Variants in PRKX observed in about 807,000 individuals in gnomAD.
The protein encoded by PRKX is cAMP-dependent protein kinase catalytic subunit PRKX.
A neutral mutation model predicts 22.0 loss-of-function variants in PRKX; 12 were observed. The ratio of observed to expected loss-of-function variants is 0.54; its 90% CI spans 0.35 to 0.88. The LOEUF (loss-of-function observed/expected upper bound fraction) is 0.88. Among genes scored for constraint, PRKX ranks in the 40% least tolerant of loss-of-function variants. PRKX has a pLI of 0.01. For missense variants in PRKX, 217 were observed against 308.0 expected, an observed-to-expected ratio of 0.70 and a Z score of 2.21; for synonymous variants, 134 against 137.7, an observed-to-expected ratio of 0.97 and a Z score of 0.19.
At chrX:3,707,652 T>TTTTAA (rs753541888) in intron 1 of PRKX, among the ~76,000 whole-genome samples, 3,780 of 108,034 alleles carry the variant, frequency 0.035, 285 homozygotes, top group African/African-American at 0.12. Flanking sequence ...TTAACATGTA[T>TTTTAA]TTTAACTTAA....
intron 3 of PRKX, among the ~76,000 whole-genome samples, chrX:3,648,606 CTGTGTGTGTGTGTG>C (rs58698248): frequency 1.5e-3 from 107 of 72,248 alleles, no homozygotes; most frequent in Middle Eastern, 7.6e-3. Flanking sequence ...CTCTCTACTC[CTGTGTGTGTGTGTG>C]TGTGTGTGTG....
chrX:3,658,568 G>A (rs1019887740), intron 2 of PRKX, among the ~76,000 whole-genome samples: 8 of 111,345 alleles, frequency 7.2e-5, no homozygotes, highest in African/African-American at 1.3e-4. Context: ...GATTACAAAC[G>A]TGAGCCACTG....
intron 1 of PRKX, among the ~76,000 whole-genome samples, chrX:3,679,166 G>C (rs1459943294): frequency 2.7e-5 from 3 of 111,767 alleles, no homozygotes; most frequent in African/African-American, 9.8e-5. Context: ...CGTTGCCCAA[G>C]TAGTAAACAG....
chrX:3,690,209 GAAT>G (rs1442256424), intron 1 of PRKX, among the ~76,000 whole-genome samples: 2 of 111,307 alleles, frequency 1.8e-5, no homozygotes, highest in Admixed American at 9.7e-5. Flanking sequence ...TTTAAGCTTG[GAAT>G]ATTTACTTCA....
intron 1 of PRKX, among the ~76,000 whole-genome samples, chrX:3,688,627 C>G (rs759870752): frequency 9.0e-6 from 1 of 110,588 alleles, no homozygotes; most frequent in South Asian, 3.9e-4. Context: ...CTTTAGAAGG[C>G]TGAAGCAGAA....
intron 1 of PRKX, among the ~76,000 whole-genome samples, chrX:3,712,580 G>A (rs2146618351): frequency 8.9e-6 from 1 of 112,423 alleles, no homozygotes; most frequent in African/African-American, 3.2e-5. Context: ...CAGCGCCCCG[G>A]GACACCTGTC....
chrX:3,640,186 G>C (rs1220729591), intron 4 of PRKX, among the ~76,000 whole-genome samples: 3 of 109,143 alleles, frequency 2.7e-5, no homozygotes, highest in African/African-American at 1.0e-4. Context: ...GAAGAAAGAA[G>C]GAAACAGGAA....
Position 3,647,972 on chromosome X carries a change from C to T in PRKX, c.600-6001G>A, listed in dbSNP as rs1927225590. On this transcript the variant is annotated intron_variant, in intron 3 of 8. Coordinates refer to ENST00000262848, the MANE Select transcript of PRKX (RefSeq NM_005044.5). ...GGGCCCTCCTACAAGTAGAATCACA[C>T]GACATGAGACCTTTTTGGTCTGGCT... Among the ~76,000 whole-genome samples, 4 of 111,413 alleles carry T rather than the reference C, an allele frequency of 3.6e-5. No individual in the cohort carries two copies. The South Asian group carries it at 1.5e-3, about 42-fold the overall frequency.
chrX:3,669,000 CCA>C (rs1324968022), intron 2 of PRKX, among the ~76,000 whole-genome samples: 2 of 112,539 alleles, frequency 1.8e-5, no homozygotes, highest in African/African-American at 6.4e-5. Context: ...TGGGTGGAGC[CCA>C]GAGACATTGC....
At chrX:3,632,726 G>T (rs1926810986) in intron 4 of PRKX, among the ~76,000 whole-genome samples, 1 of 111,751 alleles carries the variant, frequency 8.9e-6, no homozygotes, top group Non-Finnish European at 1.9e-5. Context: ...CGGACGCCTG[G>T]GCAGTGCCCT....
intron 5 of PRKX, among the ~76,000 whole-genome samples, chrX:3,624,200 C>G (rs1250370038): frequency 9.0e-6 from 1 of 111,502 alleles, no homozygotes; most frequent in Non-Finnish European, 1.9e-5. Context: ...CCATACCCAT[C>G]TCTACCAAAA....
At chrX:3,674,855 C>G in intron 1 of PRKX, 89 bp from the exon 2 acceptor site, 1 of 1,061,291 alleles carries the variant, frequency 9.4e-7, no homozygotes, top group Non-Finnish European at 1.3e-6. Context: ...GGGGCTGCAC[C>G]AGGACGGCAA....
chrX:3,707,306 C>T (rs1569066225), intron 1 of PRKX, among the ~76,000 whole-genome samples: 1 of 111,779 alleles, frequency 8.9e-6, no homozygotes, highest in African/African-American at 3.3e-5. Flanking sequence ...GAGTGACCAG[C>T]TTGTCCCTGT....
chrX:3,651,128 C>G (rs186916223), intron 3 of PRKX, among the ~76,000 whole-genome samples: 4 of 109,641 alleles, frequency 3.6e-5, no homozygotes, highest in Non-Finnish European at 7.6e-5. Flanking sequence ...AGAAAAAAGC[C>G]CCCACAAAAA....
intron 4 of PRKX, among the ~76,000 whole-genome samples, chrX:3,629,188 T>C (rs2146564678): frequency 8.9e-6 from 1 of 111,845 alleles, no homozygotes; most frequent in East Asian, 2.8e-4. Context: ...GTACTGAGCC[T>C]GCTTGCACGG....
chrX:3,656,454 G>A (rs866661903), intron 2 of PRKX, among the ~76,000 whole-genome samples: 4 of 110,433 alleles, frequency 3.6e-5, no homozygotes, highest in African/African-American at 1.3e-4. Context: ...GTGTAGACCG[G>A]TGTTGCTCTG....
At chrX:3,710,656 G>A (rs762379760) in intron 1 of PRKX, among the ~76,000 whole-genome samples, 109 of 111,883 alleles carry the variant, frequency 9.7e-4, no homozygotes, top group Non-Finnish European at 1.6e-3. Flanking sequence ...CTACAGGTAT[G>A]AGCCACCACG....
intron 4 of PRKX, among the ~76,000 whole-genome samples, chrX:3,636,973 A>C (rs1926900564): frequency 9.6e-6 from 1 of 104,615 alleles, no homozygotes; most frequent in Non-Finnish European, 2.0e-5. Context: ...GGAAAGGAAA[A>C]AGGGGAAAGG....
intron 3 of PRKX, among the ~76,000 whole-genome samples, chrX:3,654,504 T>C (rs1349538947): frequency 2.0e-5 from 2 of 100,346 alleles, no homozygotes; most frequent in Non-Finnish European, 4.0e-5. Context: ...AGATAGGATC[T>C]TGCTCTTTTA....
Sources: gnomAD v4.1 joint callset for allele counts (sites outside exome capture counted in the v4.1 genomes callset) on GRCh38, gnomAD v4.1.1 for gene constraint, MANE v1.5 for transcripts, NCBI Gene and HGNC (gene_info 2026-07-23, HGNC 2026-07-21) for gene names.